Variants in ACCSL observed in about 807,000 individuals in gnomAD.
ACCSL encodes the protein 1-aminocyclopropane-1-carboxylate synthase homolog (inactive) like, also known as probable inactive 1-aminocyclopropane-1-carboxylate synthase-like protein 2.
ACCSL carries 55 observed loss-of-function variants against 61.7 expected under a neutral mutation model. The ratio of observed to expected loss-of-function variants is 0.89; its 90% confidence interval spans 0.72 to 1.12. ACCSL has a LOEUF of 1.12. Ranked by LOEUF, ACCSL falls within the 50% of genes most tolerant of loss-of-function variation. ACCSL has a pLI of 0.00. For missense variants in ACCSL, 632 were observed against 698.0 expected (o/e 0.91, Z 1.07); for synonymous variants, 258 against 264.3 (o/e 0.98, Z 0.23).
At chr11:43,999,736 G>A in the ACCSL span, among the ~76,000 whole-genome samples, 11 of 152,228 alleles carry the variant, frequency 7.2e-5, no homozygotes, top group East Asian at 5.8e-4. Flanking sequence ...TGGGATAATC[G>A]GAGGCCAAGG....
intron 11 of ACCSL, among the ~76,000 whole-genome samples, chr11:44,057,886 T>C (rs572506614): frequency 6.6e-6 from 1 of 152,266 alleles, no homozygotes; most frequent in East Asian, 1.9e-4. Flanking sequence ...GTCTTAGAAA[T>C]AGCTTGCAGG....
the ACCSL span, among the ~76,000 whole-genome samples, chr11:43,956,798 G>C: frequency 6.6e-6 from 1 of 152,188 alleles, no homozygotes; most frequent in South Asian, 2.1e-4. Flanking sequence ...GAGGTTTATT[G>C]AGCCAGCTTG....
chr11:43,947,282 A>C, the ACCSL span: 1 of 152,288 alleles, frequency 6.6e-6, no homozygotes, highest in South Asian at 2.1e-4. Context: ...ATCCACCCTT[A>C]TGACCCAAAC....
chr11:44,024,308 C>T, the ACCSL span, among the ~76,000 whole-genome samples: 1 of 152,132 alleles, frequency 6.6e-6, no homozygotes, highest in South Asian at 2.1e-4. Context: ...AACTATACCT[C>T]CAGCTTTCCT....
chr11:44,055,472 T>C (rs1316533097), intron 9 of ACCSL, among the ~76,000 whole-genome samples, 181 bp downstream of exon 9: 1 of 152,228 alleles, frequency 6.6e-6, no homozygotes, highest in Non-Finnish European at 1.5e-5. Context: ...CTATATGCCA[T>C]TTTGTGTAGA....
intron 13 of ACCSL, 89 bp downstream of exon 13, chr11:44,058,788 A>C: frequency 2.1e-6 from 3 of 1,448,338 alleles, no homozygotes; most frequent in Non-Finnish European, 2.8e-6. Flanking sequence ...AACATCCTAT[A>C]GATCTAGCCC....
the ACCSL span, among the ~76,000 whole-genome samples, chr11:43,962,947 C>T: frequency 5.9e-5 from 9 of 152,312 alleles, no homozygotes; most frequent in Non-Finnish European, 1.2e-4. Context: ...GATGTTCTGC[C>T]TGCTCCGGTT....
chr11:44,053,154 C>A, intron 7 of ACCSL, 86 bp downstream of exon 7: 2 of 1,248,646 alleles, frequency 1.6e-6, no homozygotes, highest in Non-Finnish European at 2.3e-6. Flanking sequence ...GCTTATTCAC[C>A]AAGACCTGGT....
the ACCSL span, chr11:43,971,655 A>C: frequency 1.3e-5 from 2 of 152,430 alleles, no homozygotes; most frequent in East Asian, 3.9e-4. Context: ...GGCTGGAAAG[A>C]CATAGGAGGG....
chr11:44,056,207 G>A lies in ACCSL; in HGVS notation c.1208G>A (p.Arg403His), dbSNP rs374209773. ...TAGGATTTTGGCATCTCTGGCTTCC[G>A]CTTTGGTGCTCTGTATACCCACAAC... ...TSKDFGISGF[R>H]FGALYTHNKE... Residue 403 changes from arginine (R) to histidine (H), a missense_variant, in exon 11 of 14, where the codon CGC becomes CAC. By Grantham distance (29) the Arg-to-His change is conservative. Coordinates refer to ENST00000378832, the MANE Select transcript of ACCSL (RefSeq NM_001031854.2). 3.8e-5 allele frequency: 62 copies of A among 1,614,020 alleles called. No individual in the cohort carries two copies. The highest frequency in any genetic ancestry group is 1.6e-4 in the Middle Eastern group (1 of 6,084).
chr11:43,952,648 A>G, the ACCSL span, among the ~76,000 whole-genome samples: 1 of 152,018 alleles, frequency 6.6e-6, no homozygotes, highest in East Asian at 1.9e-4. Flanking sequence ...TCTCACGCGG[A>G]CCCTCTTAGA....
chr11:44,050,452 C>T, intron 2 of ACCSL, 100 bp from the exon 3 acceptor site: 1 of 997,458 alleles, frequency 1.0e-6, no homozygotes, highest in Non-Finnish European at 1.6e-6. Context: ...TCTAGGAGGT[C>T]ATGTATGTGG....
the ACCSL span, among the ~76,000 whole-genome samples, chr11:43,988,409 A>G: frequency 5.0e-3 from 761 of 151,902 alleles, 6 homozygotes; most frequent in African/African-American, 0.018. Flanking sequence ...CCCTGGGAAT[A>G]TTCTCCAAAA....
chr11:43,949,199 G>C, the ACCSL span, among the ~76,000 whole-genome samples: 4 of 152,146 alleles, frequency 2.6e-5, no homozygotes, highest in African/African-American at 9.7e-5. Flanking sequence ...ACCTGGGCTG[G>C]CACCCCCCTC....
chr11:44,049,962 C>T, intron 1 of ACCSL, 100 bp from the exon 2 acceptor site: 3 of 1,506,920 alleles, frequency 2.0e-6, no homozygotes, highest in Non-Finnish European at 1.8e-6. Flanking sequence ...ATTGAATTGC[C>T]TCATAGGCAG....
the ACCSL span, among the ~76,000 whole-genome samples, chr11:44,036,367 C>T: frequency 6.6e-6 from 1 of 152,244 alleles, no homozygotes; most frequent in Non-Finnish European, 1.5e-5. Flanking sequence ...TGAACTTGGA[C>T]AAGATTGAGG....
chr11:44,052,650 C>G lies in ACCSL; in HGVS notation c.773-12C>G, dbSNP rs1038154309. The G allele has an allele frequency of 2.5e-6, 4 of 1,610,946 alleles. No individual in the cohort carries two copies. The African/African-American group carries it at 5.3e-5, about 22-fold the overall frequency. On this transcript the variant is annotated splice_polypyrimidine_tract_variant and intron_variant, in intron 5 of 13. Transcript: ENST00000378832. The stretch of plus-strand genomic sequence containing the variant: ...ACTTTGGACTGATAGCTCTGTCTCT[C>G]TGTGTTTCCAGAGGCCTTCCTGGTC...
the ACCSL span, among the ~76,000 whole-genome samples, chr11:43,967,167 C>CTTTTTTTTTTTTTTTTTTTTTTTT: frequency 3.2e-5 from 2 of 62,694 alleles, no homozygotes; most frequent in Non-Finnish European, 5.4e-5. Flanking sequence ...TCTTCTTCTT[C>CTTTTTTTTTTTTTTTTTTTTTTTT]TTTTTTTTTT....
the ACCSL span, among the ~76,000 whole-genome samples, chr11:43,991,131 T>C: frequency 1.3e-5 from 2 of 152,116 alleles, no homozygotes; most frequent in African/African-American, 4.8e-5. Flanking sequence ...GAGAGATTCA[T>C]TCATTCACTC....
Sources: allele counts gnomAD v4.1 joint callset (sites outside exome capture counted in the v4.1 genomes callset), GRCh38; gene constraint gnomAD v4.1.1; transcripts MANE v1.5; gene names NCBI Gene and HGNC (gene_info 2026-07-23, HGNC 2026-07-21).